The following ANO5 variants were observed in gnomAD, a reference collection of about 807,000 sequenced individuals.
ANO5 encodes the protein anoctamin 5, also known as anoctamin-5.
A neutral mutation model predicts 121.0 loss-of-function variants in ANO5; 109 were observed. The ratio of observed to expected loss-of-function variants is 0.90; its 90% CI spans 0.77 to 1.06. The LOEUF (loss-of-function observed/expected upper bound fraction) is 1.06. Among genes scored for constraint, ANO5 ranks in the 50% least tolerant of loss-of-function variants. The probability of loss-of-function intolerance (pLI) is 0.00; values close to 1 mark genes in which losing one functional copy is unlikely to be tolerated. For synonymous variants in ANO5, 406 were observed against 359.9 expected (o/e 1.13, Z -1.45); for missense variants, 1,064 against 1,078.5 (o/e 0.99, Z 0.19).
chr11:22,274,822 C>A (rs1235788106), intron 20 of ANO5, 75 bp downstream of exon 20: 4 of 1,520,882 alleles, frequency 2.6e-6, no homozygotes, highest in Non-Finnish European at 2.7e-6. Flanking sequence ...TATTACCTTT[C>A]TGTCTTACAA....
At chr11:22,260,448 C>T (rs889354799) in intron 15 of ANO5, among the ~76,000 whole-genome samples, 2 of 152,094 alleles carry the variant, frequency 1.3e-5, no homozygotes, top group African/African-American at 4.8e-5. Context: ...TCATGGCTGA[C>T]GTCAAGCAAA....
chr11:22,234,863 C>A (rs1853162214), intron 7 of ANO5, among the ~76,000 whole-genome samples: 1 of 152,078 alleles, frequency 6.6e-6, no homozygotes, highest in Non-Finnish European at 1.5e-5. Flanking sequence ...TCAGAACAAG[C>A]AGTTGACCTG....
intron 8 of ANO5, among the ~76,000 whole-genome samples, chr11:22,238,642 A>C (rs559014363): frequency 4.2e-4 from 64 of 152,234 alleles, no homozygotes; most frequent in Admixed American, 8.5e-4. Context: ...TTACCTACAG[A>C]AGAAGAAAAA....
At chr11:22,249,555 T>G (rs551997637) in intron 9 of ANO5, among the ~76,000 whole-genome samples, 2 of 152,186 alleles carry the variant, frequency 1.3e-5, no homozygotes, top group South Asian at 4.1e-4. Context: ...CCTAAATGGG[T>G]ACTAAGTTAA....
chr11:22,192,953 G>T, upstream of ANO5: 1 of 983,882 alleles, frequency 1.0e-6, no homozygotes, highest in Non-Finnish European at 1.2e-6. Flanking sequence ...GGAGCCAGCC[G>T]GGCCGGGGGG....
intron 15 of ANO5, among the ~76,000 whole-genome samples, chr11:22,260,477 A>G (rs900944274): frequency 1.3e-5 from 2 of 152,242 alleles, no homozygotes; most frequent in Non-Finnish European, 2.9e-5. Flanking sequence ...TTATTCAGTC[A>G]GCGCTGGAAT....
chr11:22,208,314 G>A (rs1021252207), intron 2 of ANO5, among the ~76,000 whole-genome samples: 2 of 152,050 alleles, frequency 1.3e-5, no homozygotes, highest in African/African-American at 4.8e-5. Context: ...TAAACAAAGT[G>A]TGGCACAGCC....
intron 13 of ANO5, among the ~76,000 whole-genome samples, chr11:22,255,805 A>G (rs1483501039): frequency 1.3e-5 from 2 of 152,074 alleles, no homozygotes; most frequent in East Asian, 1.9e-4. Context: ...TTCATGGACA[A>G]TCTTGTTTCA....
At position 22,204,111 on chromosome 11, in the gene ANO5, G is replaced by T. The variant is rs115533519; in HGVS notation, c.87+261G>T. Among the ~76,000 whole-genome samples the T allele has an allele frequency of 6.0e-3, 920 of 152,132 alleles. 14 individuals are homozygous for T. Among genetic ancestry groups the T allele is most frequent in the African/African-American group, 0.021 (880 of 41,534 alleles). On this transcript the variant is annotated intron_variant, in intron 2 of 21. Transcript: ENST00000324559. ...AATAAACTCAGATATGCTGATCATTGATATGCAAGATACTAGTATTTGGCT... is the reference window on the plus strand; with the variant it reads ...AATAAACTCAGATATGCTGATCATTTATATGCAAGATACTAGTATTTGGCT...
At chr11:22,231,550 G>A (rs2133628535) in intron 7 of ANO5, among the ~76,000 whole-genome samples, 1 of 151,708 alleles carries the variant, frequency 6.6e-6, no homozygotes, top group Admixed American at 6.6e-5. Context: ...TCATTTTAAT[G>A]GTTCTTTATA....
intron 7 of ANO5, among the ~76,000 whole-genome samples, chr11:22,233,154 A>G (rs184589356): frequency 6.6e-6 from 1 of 152,128 alleles, no homozygotes; most frequent in Admixed American, 6.6e-5. Context: ...TAGTTACAGC[A>G]TGGAGCCAGG....
chr11:22,192,982 C>T (rs1055243794), upstream of ANO5: 11 of 984,884 alleles, frequency 1.1e-5, no homozygotes, highest in African/African-American at 1.6e-4. Flanking sequence ...TGGCGGTCTC[C>T]GAGGGTGGGG....
At chr11:22,223,237 C>G (rs4414211) in intron 5 of ANO5, among the ~76,000 whole-genome samples, 1 of 151,746 alleles carries the variant, frequency 6.6e-6, no homozygotes, top group African/African-American at 2.4e-5. Context: ...CTTATGGAGA[C>G]GTTTTATTAC....
intron 19 of ANO5, among the ~76,000 whole-genome samples, chr11:22,274,076 T>C (rs1854737617): frequency 6.6e-6 from 1 of 151,896 alleles, no homozygotes; most frequent in Non-Finnish European, 1.5e-5. Context: ...TCCCATGGAA[T>C]CAAATACTGA....
Position 22,259,632 on chromosome 11 carries a change from C to T in ANO5, c.1521C>T (p.Phe507=), listed in dbSNP as rs2133738499. 6.2e-7 allele frequency: 1 copy of T among 1,614,072 alleles called. No individual in the cohort carries two copies. The highest frequency in any genetic ancestry group is 8.5e-7 in the Non-Finnish European group (1 of 1,179,968). Residue 507 remains phenylalanine (F), a synonymous_variant, in exon 15 of 22, where the codon TTC becomes TTT. Transcript: ENST00000324559. Reference sequence around the variant, plus strand: ...CATCCTTAAAGCAGGTCAAAAGCTTCCTTACTCCTCAGATAACCACATCAC... The same window carrying T: ...CATCCTTAAAGCAGGTCAAAAGCTTTCTTACTCCTCAGATAACCACATCAC... The part of the protein sequence containing the change: ...SDASLKQVKS[F]LTPQITTSLT...
At chr11:22,239,980 T>C (rs1201971046) in intron 9 of ANO5, among the ~76,000 whole-genome samples, 2 of 152,102 alleles carry the variant, frequency 1.3e-5, no homozygotes, top group Admixed American at 1.3e-4. Context: ...TACTTAACCA[T>C]TATGAAAATA....
intron 3 of ANO5, among the ~76,000 whole-genome samples, chr11:22,216,708 ATTTTATC>A (rs1317946521): frequency 6.6e-6 from 1 of 151,802 alleles, no homozygotes; most frequent in African/African-American, 2.4e-5. Context: ...AATTTCTCAT[ATTTTATC>A]TTTTATCATC....
Position 22,281,077 on chromosome 11 carries a change from T to C in ANO5, c.*1312T>C, listed in dbSNP as rs1300844289. On this transcript the variant is annotated 3_prime_UTR_variant, in exon 22 of 22. Transcript: ENST00000324559. Reference sequence around the variant, plus strand: ...TTTTCACTTAAAAAAACTAAATATGTATAACTTTGTGTATACACACACACA... The same window carrying C: ...TTTTCACTTAAAAAAACTAAATATGCATAACTTTGTGTATACACACACACA... 6.6e-6 allele frequency: 1 copy of C among 152,040 alleles called. No homozygotes were observed. Among genetic ancestry groups the C allele is most frequent in the Non-Finnish European group, 1.5e-5 (1 of 67,900 alleles). 9.4% of individuals were successfully genotyped at this position (152,040 alleles called of 1,614,324 possible).
At position 22,236,206 on chromosome 11, in the gene ANO5, G is replaced by T. The variant is rs137854523; in HGVS notation, c.692G>T (p.Gly231Val). 2,127 of 1,613,328 alleles carry T rather than the reference G, an allele frequency of 1.3e-3. 4 individuals carry two copies. The highest frequency in any genetic ancestry group is 2.6e-3 in the Admixed American group (158 of 59,964). ...LSRCPFGIED[G>V]KKRFGIERLL... The stretch of plus-strand genomic sequence containing the variant: ...AGATGTCCTTTTGGCATAGAAGATG[G>T]GAAGAAAAGGTTTGGGATTGAAAGA... Residue 231 changes from glycine (G) to valine (V), a missense_variant, in exon 8 of 22, where the codon GGG becomes GTG. By Grantham distance (109) the Gly-to-Val change is moderately radical (BLOSUM62 -3). Transcript: ENST00000324559.
Sources: allele counts gnomAD v4.1 joint callset (sites outside exome capture counted in the v4.1 genomes callset), GRCh38; gene constraint gnomAD v4.1.1; transcripts MANE v1.5; gene names NCBI Gene and HGNC (gene_info 2026-07-23, HGNC 2026-07-21).